CNTNAP2: variants seen among roughly 807,000 people sequenced by gnomAD.
CNTNAP2 encodes contactin-associated protein-like 2.
In CNTNAP2, 98 loss-of-function variants were observed where a neutral mutation model predicts 155.2. That is an observed-to-expected ratio of 0.63 (90% CI 0.54 to 0.75). The LOEUF is 0.75. Ranked by LOEUF, CNTNAP2 falls within the 30% of genes least tolerant of loss-of-function variation. CNTNAP2 has a pLI of 0.00. For synonymous variants in CNTNAP2, 651 were observed against 631.2 expected (o/e 1.03, Z -0.47); for missense variants, 1,727 against 1,688.1 (o/e 1.02, Z -0.40).
At chr7:147,523,739 C>T (rs1226022389) in intron 11 of CNTNAP2, among the ~76,000 whole-genome samples, 1 of 152,218 alleles carries the variant, frequency 6.6e-6, no homozygotes, top group African/African-American at 2.4e-5. Context: ...TATTCCTCAA[C>T]AGCCAGGTTC....
chr7:146,663,558 C>G (rs549826352), intron 1 of CNTNAP2, among the ~76,000 whole-genome samples: 3 of 151,908 alleles, frequency 2.0e-5, no homozygotes, highest in East Asian at 3.9e-4. Context: ...TTAAATTTAT[C>G]TCTTTTATGT....
At chr7:147,842,654 C>A (rs1213307156) in intron 13 of CNTNAP2, among the ~76,000 whole-genome samples, 2 of 94,292 alleles carry the variant, frequency 2.1e-5, no homozygotes, top group Admixed American at 1.5e-4. Flanking sequence ...AGGTTAGTTA[C>A]ATATGTATAC....
intron 15 of CNTNAP2, among the ~76,000 whole-genome samples, chr7:148,079,686 T>C (rs73470277): frequency 0.012 from 1,813 of 152,302 alleles, 44 homozygotes; most frequent in African/African-American, 0.041. Flanking sequence ...GACAAAATAC[T>C]TGGATTTCTT....
chr7:146,426,601 T>C (rs1796096093), intron 1 of CNTNAP2, among the ~76,000 whole-genome samples: 1 of 145,872 alleles, frequency 6.9e-6, no homozygotes, highest in Non-Finnish European at 1.5e-5. Flanking sequence ...AGTATTACAG[T>C]GACTCATTTC....
At chr7:147,256,381 T>C (rs1490751787) in intron 8 of CNTNAP2, among the ~76,000 whole-genome samples, 2 of 152,128 alleles carry the variant, frequency 1.3e-5, no homozygotes, top group Non-Finnish European at 2.9e-5. Flanking sequence ...TCTGTATTCA[T>C]TTAGGGACAT....
intron 18 of CNTNAP2, among the ~76,000 whole-genome samples, chr7:148,212,517 C>T (rs557746883): frequency 6.6e-6 from 1 of 152,220 alleles, no homozygotes; most frequent in African/African-American, 2.4e-5. Context: ...TTAGCATTAT[C>T]TATAGTAGTA....
chr7:147,072,694 G>A (rs1276528957), intron 4 of CNTNAP2, among the ~76,000 whole-genome samples: 1 of 152,100 alleles, frequency 6.6e-6, no homozygotes, highest in Admixed American at 6.6e-5. Context: ...CCATGTGTCA[G>A]TCTGGTTTTA....
At chr7:146,840,478 A>C (rs1803700060) in intron 3 of CNTNAP2, among the ~76,000 whole-genome samples, 1 of 152,190 alleles carries the variant, frequency 6.6e-6, no homozygotes, top group African/African-American at 2.4e-5. Context: ...TCACCACATA[A>C]TAATTTGAAT....
intron 11 of CNTNAP2, among the ~76,000 whole-genome samples, chr7:147,527,194 C>T (rs1187791050): frequency 6.6e-6 from 1 of 151,396 alleles, no homozygotes; most frequent in Non-Finnish European, 1.5e-5. Context: ...GGCTAATTTT[C>T]TTGTATTTTT....
chr7:146,494,053 G>T (rs73164048), intron 1 of CNTNAP2, among the ~76,000 whole-genome samples: 28,650 of 152,038 alleles, frequency 0.19, 3,371 homozygotes, highest in South Asian at 0.33. Flanking sequence ...AAAAATGCAG[G>T]CCGGAAACAG....
chr7:146,743,987 G>A (rs1277191699), intron 1 of CNTNAP2, among the ~76,000 whole-genome samples: 1 of 152,044 alleles, frequency 6.6e-6, no homozygotes, highest in Non-Finnish European at 1.5e-5. Flanking sequence ...AGCACTTTGG[G>A]AGGCTGAAGC....
chr7:146,833,099 G>T (rs1803545483), intron 2 of CNTNAP2, among the ~76,000 whole-genome samples: 2 of 152,002 alleles, frequency 1.3e-5, no homozygotes, highest in South Asian at 4.1e-4. Context: ...CTACTTCATA[G>T]TTTCTTTTAG....
chr7:147,597,099 C>T (rs1286051446), intron 12 of CNTNAP2, among the ~76,000 whole-genome samples: 1 of 152,182 alleles, frequency 6.6e-6, no homozygotes, highest in Admixed American at 6.5e-5. Flanking sequence ...ACCATCAGCC[C>T]TCAGGGCTGC....
chr7:146,322,634 C>CTTTTTTTTTTTTTT (rs56287346), intron 1 of CNTNAP2, among the ~76,000 whole-genome samples: 676 of 64,924 alleles, frequency 0.01, 100 homozygotes, highest in Middle Eastern at 0.056. Context: ...TGTTCATTCT[C>CTTTTTTTTTTTTTT]TTTTTTTTTT....
At chr7:147,066,323 T>C (rs1799779408) in intron 4 of CNTNAP2, among the ~76,000 whole-genome samples, 2 of 152,156 alleles carry the variant, frequency 1.3e-5, no homozygotes, top group Non-Finnish European at 2.9e-5. Context: ...CTACTTCAAA[T>C]CTCACCTCTA....
In CNTNAP2 at chr7:147,121,058, T is replaced by C. The variant is rs61732854; in HGVS notation, c.834T>C (p.Ser278=). ...GSLLDDHHWH[S]VVIERQGRSI... ...TGCTGGATGACCACCACTGGCACTC[T>C]GTGGTCATTGAGCGCCAGGGGCGGA... The change falls in exon 6 of 24, where the codon TCT becomes TCC. Residue 278 remains serine, a synonymous_variant. Transcript: ENST00000361727. The C allele has an allele frequency of 1.5e-3, 2,493 of 1,614,036 alleles. 39 individuals carry two copies. In the African/African-American group the frequency reaches 0.029, roughly 19 times the overall value.
At chr7:146,598,971 C>G (rs1798905564) in intron 1 of CNTNAP2, among the ~76,000 whole-genome samples, 1 of 151,998 alleles carries the variant, frequency 6.6e-6, no homozygotes, top group Admixed American at 6.6e-5. Context: ...GTTCCAGTTC[C>G]CCATCTCATT....
rs554018937 is a variant in CNTNAP2, at chr7:147,539,822, T to G, written c.1778-22316T>G. 2.0e-5 allele frequency among the ~76,000 whole-genome samples: 3 copies of G among 152,320 alleles called. No individual in the cohort carries two copies. In the South Asian group the frequency reaches 6.2e-4, roughly 32 times the overall value. On this transcript the variant is annotated intron_variant, in intron 11 of 23. Transcript: ENST00000361727. Reference sequence around the variant, plus strand: ...TTTTAGGAATTGTTCATTCTTTCTTTGTTATTACAGAAATGAGGATACTGA... The same window carrying G: ...TTTTAGGAATTGTTCATTCTTTCTTGGTTATTACAGAAATGAGGATACTGA...
intron 2 of CNTNAP2, among the ~76,000 whole-genome samples, chr7:146,816,474 G>T (rs1803172129): frequency 6.6e-6 from 1 of 152,142 alleles, no homozygotes; most frequent in African/African-American, 2.4e-5. Flanking sequence ...CCCATGCCGG[G>T]AACAGTTGGC....
Sources: gnomAD v4.1 joint callset for allele counts (sites outside exome capture counted in the v4.1 genomes callset) on GRCh38, gnomAD v4.1.1 for gene constraint, MANE v1.5 for transcripts, NCBI Gene and HGNC (gene_info 2026-07-23, HGNC 2026-07-21) for gene names.